RGS7: variants seen among roughly 807,000 people sequenced by gnomAD.
RGS7 encodes regulator of G protein signaling 7, also known as regulator of G-protein signaling 7.
RGS7 carries 27 observed loss-of-function variants against 81.1 expected under a neutral mutation model. That is an observed-to-expected ratio of 0.33 (90% CI 0.25 to 0.46). The LOEUF (loss-of-function observed/expected upper bound fraction) is 0.46, where lower values mean the gene tolerates loss of function less well. RGS7 is among the 20% of genes least tolerant of loss of function. The pLI, the probability that RGS7 is intolerant of heterozygous loss-of-function variation, is 1.00. For synonymous variants in RGS7, 208 were observed against 207.7 expected, an observed-to-expected ratio of 1.00 and a Z score of -0.01; for missense variants, 396 against 607.4, an observed-to-expected ratio of 0.65 and a Z score of 3.66.
intron 3 of RGS7, among the ~76,000 whole-genome samples, chr1:241,045,614 T>C (rs886956349): frequency 4.6e-5 from 7 of 152,174 alleles, no homozygotes; most frequent in Non-Finnish European, 1.0e-4. Context: ...TCCTCCTGTC[T>C]CAGCCTCCCA....
At chr1:241,094,139 T>C (rs2064080576) in intron 3 of RGS7, among the ~76,000 whole-genome samples, 1 of 152,068 alleles carries the variant, frequency 6.6e-6, no homozygotes, top group Non-Finnish European at 1.5e-5. Context: ...CCTTACATGC[T>C]TCACTGTTCT....
Position 240,981,634 on chromosome 1 carries a change from A to G in RGS7, c.226+1445T>C, listed in dbSNP as rs184977187. On this transcript the variant is annotated intron_variant, in intron 4 of 18. Coordinates refer to ENST00000440928, the MANE Select transcript of RGS7 (RefSeq NM_001364886.1). The stretch of plus-strand genomic sequence containing the variant: ...ACTGTAGCTTCCCTTCCTATTAATT[A>G]TCTCCCCTTTCACCTGGTGATAATA... Among the ~76,000 whole-genome samples the G allele has an allele frequency of 3.3e-5, 5 of 152,114 alleles. 1 individual carries two copies. Among genetic ancestry groups the G allele is most frequent in the African/African-American group, 1.2e-4 (5 of 41,474 alleles).
At chr1:241,027,418 G>A (rs1354339236) in intron 3 of RGS7, among the ~76,000 whole-genome samples, 1 of 152,094 alleles carries the variant, frequency 6.6e-6, no homozygotes, top group Non-Finnish European at 1.5e-5. Context: ...TCTTAAGTAG[G>A]GGAATAATGT....
intron 3 of RGS7, among the ~76,000 whole-genome samples, chr1:241,001,124 G>A (rs1688081615): frequency 6.6e-6 from 1 of 152,126 alleles, no homozygotes; most frequent in South Asian, 2.1e-4. Flanking sequence ...GGATATGTGT[G>A]TGTGTTCATG....
At chr1:240,937,978 T>C (rs1676926659) in intron 4 of RGS7, among the ~76,000 whole-genome samples, 1 of 152,210 alleles carries the variant, frequency 6.6e-6, no homozygotes, top group African/African-American at 2.4e-5. Context: ...AAAGGGTTAG[T>C]AAAATTTGGT....
At position 240,776,193 on chromosome 1, in the gene RGS7, C is replaced by G; in HGVS notation, c.*27G>C. ...AAGACTGAGCAAGGCTTGTTAACCT[C>G]TTGGACGTGAGAGATTTCCCCTGAG... On this transcript the variant is annotated 3_prime_UTR_variant, in exon 19 of 19. Transcript: ENST00000440928. 6.2e-7 allele frequency: 1 copy of G among 1,611,838 alleles called. No individual in the cohort carries two copies. The highest frequency in any genetic ancestry group is 8.5e-7 in the Non-Finnish European group (1 of 1,177,952).
intron 2 of RGS7, among the ~76,000 whole-genome samples, chr1:241,171,666 C>T (rs577995047): frequency 6.6e-6 from 1 of 152,278 alleles, no homozygotes; most frequent in East Asian, 1.9e-4. Context: ...CATTTAATTA[C>T]ACCAGGGAAT....
intron 2 of RGS7, among the ~76,000 whole-genome samples, chr1:241,213,163 TGATA>T (rs2074344438): frequency 6.6e-6 from 1 of 152,188 alleles, no homozygotes; most frequent in African/African-American, 2.4e-5. Flanking sequence ...GACGACTCAC[TGATA>T]GATAATGTTT....
chr1:241,025,028 G>A (rs987744569), intron 3 of RGS7, among the ~76,000 whole-genome samples: 3 of 152,134 alleles, frequency 2.0e-5, no homozygotes, highest in African/African-American at 7.2e-5. Context: ...TGCCTTTGGG[G>A]CCAATTGCTT....
At chr1:240,981,242 T>A (rs1037757428) in intron 4 of RGS7, among the ~76,000 whole-genome samples, 2 of 152,112 alleles carry the variant, frequency 1.3e-5, no homozygotes, top group Non-Finnish European at 2.9e-5. Flanking sequence ...CCCAAGTAAC[T>A]GGGACTACAT....
At chr1:240,856,386 T>C in intron 9 of RGS7, among the ~76,000 whole-genome samples, 1 of 152,184 alleles carries the variant, frequency 6.6e-6, no homozygotes, top group Non-Finnish European at 1.5e-5. Context: ...TGGGGCAGTA[T>C]TTTTCATCCT....
chr1:240,867,049 G>T (rs1663444446), intron 9 of RGS7, among the ~76,000 whole-genome samples: 1 of 152,180 alleles, frequency 6.6e-6, no homozygotes, highest in Non-Finnish European at 1.5e-5. Context: ...TAATGTCCTT[G>T]CAATAGCTAT....
chr1:241,010,972 C>G (rs746825054), intron 3 of RGS7, among the ~76,000 whole-genome samples: 2 of 152,046 alleles, frequency 1.3e-5, no homozygotes, highest in Non-Finnish European at 1.5e-5. Flanking sequence ...TCATAAATCA[C>G]GTGCAATCAA....
chr1:241,128,226 G>A (rs894659833), intron 2 of RGS7, among the ~76,000 whole-genome samples: 2 of 150,942 alleles, frequency 1.3e-5, no homozygotes, highest in South Asian at 2.1e-4. Flanking sequence ...GCAGTGAGCC[G>A]AGATTGCGCC....
intron 2 of RGS7, among the ~76,000 whole-genome samples, chr1:241,153,975 A>G (rs2068935900): frequency 6.6e-6 from 1 of 152,218 alleles, no homozygotes; most frequent in Admixed American, 6.5e-5. Context: ...GTGCTTTCAC[A>G]TACATGATAA....
At chr1:240,917,776 C>T (rs994000026) in intron 6 of RGS7, among the ~76,000 whole-genome samples, 25 of 151,900 alleles carry the variant, frequency 1.6e-4, no homozygotes, top group African/African-American at 6.0e-4. Context: ...TATTAATAAC[C>T]ACTTTAAATG....
At chr1:241,119,141 AATG>A (rs1258308322) in intron 2 of RGS7, among the ~76,000 whole-genome samples, 2 of 152,334 alleles carry the variant, frequency 1.3e-5, no homozygotes, top group African/African-American at 4.8e-5. Context: ...ACTTCATTAA[AATG>A]ATAATAATAA....
intron 2 of RGS7, among the ~76,000 whole-genome samples, chr1:241,283,789 C>A (rs771284893): frequency 2.0e-5 from 3 of 152,108 alleles, no homozygotes; most frequent in African/African-American, 4.8e-5. Context: ...TCCCACAGAT[C>A]TCTAAGTCTT....
At chr1:241,275,233 A>G (rs543649338) in intron 2 of RGS7, among the ~76,000 whole-genome samples, 2 of 152,346 alleles carry the variant, frequency 1.3e-5, no homozygotes, top group East Asian at 3.9e-4. Flanking sequence ...ACATATTAAT[A>G]GCCACAGTCC....
Sources: gnomAD v4.1 joint callset for allele counts (sites outside exome capture counted in the v4.1 genomes callset) on GRCh38, gnomAD v4.1.1 for gene constraint, MANE v1.5 for transcripts, NCBI Gene and HGNC (gene_info 2026-07-23, HGNC 2026-07-21) for gene names.